Variants in IL20RA observed in about 807,000 individuals in gnomAD.
The protein encoded by IL20RA is interleukin 20 receptor subunit alpha.
A neutral mutation model predicts 36.5 loss-of-function variants in IL20RA; 29 were observed. The observed-to-expected ratio is 0.79, with a 90% CI of 0.59 to 1.08. The LOEUF (loss-of-function observed/expected upper bound fraction) is 1.08. Ranked by LOEUF, IL20RA falls within the 50% of genes least tolerant of loss-of-function variation. The pLI is 0.00. For synonymous variants in IL20RA, 279 were observed against 267.1 expected (o/e 1.04, Z -0.43); for missense variants, 652 against 668.4 (o/e 0.98, Z 0.27).
At chr6:137,026,346 C>T (rs999602857) in intron 1 of IL20RA, among the ~76,000 whole-genome samples, 2 of 152,076 alleles carry the variant, frequency 1.3e-5, no homozygotes, top group Non-Finnish European at 2.9e-5. Flanking sequence ...CATGGCAGAT[C>T]CTAGATTCAC....
Position 137,044,804 on chromosome 6 carries a change from G to A in IL20RA, c.-76C>T, listed in dbSNP as rs1394814129. On this transcript the variant is annotated 5_prime_UTR_variant, in exon 1 of 7. Transcript: ENST00000316649. ...ACGCCCGCTGGGGCCAAGCGCGGCC[G>A]CGCGGCCTCAGCTCCGCGCCTGGGG... 1 of 1,192,856 alleles carries A rather than the reference G, an allele frequency of 8.4e-7. No homozygotes were observed. The allele number at this position is 1,192,856 out of a possible 1,614,324, so 73.9% of individuals were successfully genotyped here. A position where few individuals can be genotyped will look rare whatever the true frequency, so the allele number is the denominator to read the frequency against.
intron 1 of IL20RA, among the ~76,000 whole-genome samples, chr6:137,028,431 A>G (rs1023057619): frequency 1.2e-4 from 18 of 151,940 alleles, no homozygotes; most frequent in African/African-American, 1.2e-4. Context: ...AAAAAAAAAA[A>G]AAAGAAATTG....
intron 6 of IL20RA, among the ~76,000 whole-genome samples, chr6:137,003,484 C>T (rs1410348838): frequency 3.3e-5 from 5 of 152,146 alleles, no homozygotes; most frequent in African/African-American, 1.2e-4. Flanking sequence ...TGTTTCCATT[C>T]CATGTCTTTC....
Position 137,015,817 on chromosome 6 carries a change from C to T in IL20RA, c.224+1151G>A, listed in dbSNP as rs6940027. Reference sequence around the variant, plus strand: ...GACTACAGGCATGCACTATCATGACCGGCTAATTTTTGTATTTTTTGTAGA... The same window carrying T: ...GACTACAGGCATGCACTATCATGACTGGCTAATTTTTGTATTTTTTGTAGA... On this transcript the variant is annotated intron_variant, in intron 2 of 6. Coordinates refer to ENST00000316649, the MANE Select transcript of IL20RA (RefSeq NM_014432.4). Among the ~76,000 whole-genome samples the T allele has an allele frequency of 7.3e-3, 1,105 of 152,116 alleles. 27 individuals are homozygous for T. Among genetic ancestry groups the T allele is most frequent in the African/African-American group, 0.026 (1,068 of 41,498 alleles).
chr6:137,038,006 G>A (rs914376683), intron 1 of IL20RA: 2 of 152,130 alleles, frequency 1.3e-5, no homozygotes, highest in Non-Finnish European at 2.9e-5. Flanking sequence ...TGTGATGAGA[G>A]GTGCTCACAC....
At chr6:137,038,164 C>A (rs1280092855) in intron 1 of IL20RA, 1 of 145,130 alleles carries the variant, frequency 6.9e-6, no homozygotes, top group Non-Finnish European at 1.5e-5. Flanking sequence ...ATTTTAATGT[C>A]TCTGACTAGC....
At chr6:137,044,367 C>A in intron 1 of IL20RA, 1 of 1,064,372 alleles carries the variant, frequency 9.4e-7, no homozygotes, top group Non-Finnish European at 1.2e-6. Context: ...GAACTCCCCC[C>A]ACCCCACCTC....
In IL20RA at chr6:137,001,286, C is replaced by T. The variant is rs1775023256; in HGVS notation, c.*272G>A. The T allele has an allele frequency of 3.3e-6, 1 of 306,874 alleles. No homozygotes were observed. Among genetic ancestry groups the T allele is most frequent in the Non-Finnish European group, 6.0e-6 (1 of 167,174 alleles). The allele number at this position is 306,874 out of a possible 1,614,324, so 19.0% of individuals were successfully genotyped here. A position where few individuals can be genotyped will look rare whatever the true frequency, so the allele number is the denominator to read the frequency against. On this transcript the variant is annotated 3_prime_UTR_variant, in exon 7 of 7. Transcript: ENST00000316649. ...AGTACACCCACCTGAATAAATTCTG[C>T]ACCCAGTCTGGCAAACATTTATTGA...
At chr6:137,028,023 G>T (rs1776153517) in intron 1 of IL20RA, among the ~76,000 whole-genome samples, 1 of 152,228 alleles carries the variant, frequency 6.6e-6, no homozygotes, top group Non-Finnish European at 1.5e-5. Context: ...TTTCCTGGTG[G>T]AACTGTTCAT....
At chr6:137,008,478 C>G (rs1311792733) in intron 5 of IL20RA, 121 bp downstream of exon 5, 1 of 1,031,528 alleles carries the variant, frequency 9.7e-7, no homozygotes, top group Non-Finnish European at 1.4e-6. Flanking sequence ...GTTGTTTCTG[C>G]CTTTGCCTCA....
At chr6:137,024,011 T>C (rs957291133) in intron 1 of IL20RA, among the ~76,000 whole-genome samples, 2 of 152,116 alleles carry the variant, frequency 1.3e-5, no homozygotes, top group Non-Finnish European at 2.9e-5. Flanking sequence ...GAAGAATTGC[T>C]TGAACCCAGG....
At chr6:137,019,666 A>T (rs1316150763) in intron 1 of IL20RA, among the ~76,000 whole-genome samples, 1 of 152,176 alleles carries the variant, frequency 6.6e-6, no homozygotes, top group Non-Finnish European at 1.5e-5. Context: ...AGACAGTTTG[A>T]TTAATGCTTT....
At position 137,004,704 on chromosome 6, in the gene IL20RA, T is replaced by C. The variant is rs1049016790; in HGVS notation, c.781A>G (p.Ile261Val). ...ATCACAGAAAAAAGAAACACGGTAA[T>C]AGATACGGGCAAAACATACCAGAAG... ...IIFWYVLPVS[I>V]TVFLFSVMGY... is the part of the protein sequence containing the mutation. Residue 261 changes from isoleucine (I) to valine (V), a missense_variant, in exon 6 of 7, where the codon ATT (isoleucine) becomes GTT (valine). Physicochemically the swap from Ile to Val is conservative, Grantham distance 29. Coordinates refer to ENST00000316649, the MANE Select transcript of IL20RA (RefSeq NM_014432.4). 8 of 1,608,578 alleles carry C rather than the reference T, an allele frequency of 5.0e-6. No individual in the cohort carries two copies. The African/African-American group carries it at 8.2e-5, about 16-fold the overall frequency.
chr6:137,023,774 A>G (rs1442937833), intron 1 of IL20RA, among the ~76,000 whole-genome samples: 1 of 152,190 alleles, frequency 6.6e-6, no homozygotes, highest in Non-Finnish European at 1.5e-5. Context: ...GCTTTTATCT[A>G]TTTTGATGAT....
Position 137,011,453 on chromosome 6 carries a change from C to A in IL20RA, c.225-1G>T, listed in dbSNP as rs1775496176. The A allele has an allele frequency of 3.1e-6, 5 of 1,605,924 alleles. No individual in the cohort carries two copies. The highest frequency in any genetic ancestry group is 3.4e-6 in the Non-Finnish European group (4 of 1,174,784). The stretch of plus-strand genomic sequence containing the variant: ...ATTCAGCCATTTCTTTTGCCCATAT[C>A]TGCTAAGAAAGAAGCTGAATTAATA... On this transcript the variant is annotated splice_acceptor_variant, in intron 2 of 6. Coordinates refer to ENST00000316649, the MANE Select transcript of IL20RA (RefSeq NM_014432.4). LOFTEE classifies it high-confidence loss of function.
chr6:137,004,544 C>T, intron 6 of IL20RA, 77 bp downstream of exon 6: 2 of 1,330,898 alleles, frequency 1.5e-6, no homozygotes, highest in African/African-American at 1.5e-5. Context: ...GGAACTGAAT[C>T]TGTTCTAGAA....
At chr6:137,006,492 A>G (rs1422445064) in intron 5 of IL20RA, among the ~76,000 whole-genome samples, 1 of 152,230 alleles carries the variant, frequency 6.6e-6, no homozygotes, top group Non-Finnish European at 1.5e-5. Context: ...TTTAGTATAC[A>G]CTAACCCATG....
rs2115356614 is a variant in IL20RA at position 137,001,550 on chromosome 6, T to C, written c.*8A>G. 6.6e-7 allele frequency: 1 copy of C among 1,524,100 alleles called. No homozygotes were observed. Among genetic ancestry groups the C allele is most frequent in the Non-Finnish European group, 8.8e-7 (1 of 1,134,174 alleles). The allele number at this position is 1,524,100 out of a possible 1,614,324, so 94.4% of individuals were successfully genotyped here. A position where few individuals can be genotyped will look rare whatever the true frequency, so the allele number is the denominator to read the frequency against. On this transcript the variant is annotated 3_prime_UTR_variant, in exon 7 of 7. Transcript: ENST00000316649. ...ACAGGAAACAAAAGGCAAAAGGAAG[T>C]GTTGGCATCAGTTTTCCATCTGCAC... is the stretch of plus-strand genomic sequence containing the variant.
intron 6 of IL20RA, among the ~76,000 whole-genome samples, chr6:137,002,704 G>C (rs1276849965): frequency 1.3e-5 from 2 of 152,224 alleles, no homozygotes; most frequent in Non-Finnish European, 2.9e-5. Flanking sequence ...GCCACATGAA[G>C]AGTAGCAAAG....
Sources: allele counts gnomAD v4.1 joint callset (sites outside exome capture counted in the v4.1 genomes callset), GRCh38; gene constraint gnomAD v4.1.1; transcripts MANE v1.5; gene names NCBI Gene and HGNC (gene_info 2026-07-23, HGNC 2026-07-21).